The following BSN variants were observed in gnomAD, a reference collection of about 807,000 sequenced individuals.
The protein encoded by BSN is bassoon presynaptic cytomatrix protein.
A neutral mutation model predicts 264.8 loss-of-function variants in BSN; 57 were observed. That is an observed-to-expected ratio of 0.22 (90% CI 0.17 to 0.27). The LOEUF (loss-of-function observed/expected upper bound fraction) is 0.27, where lower values mean the gene tolerates loss of function less well. Ranked by LOEUF, BSN falls within the 10% of genes least tolerant of loss-of-function variation. The pLI, the probability that BSN is intolerant of heterozygous loss-of-function variation, is 1.00. For missense variants in BSN, 4,615 were observed against 5,232.5 expected, an observed-to-expected ratio of 0.88 and a Z score of 3.64; for synonymous variants, 2,059 against 2,137.3, an observed-to-expected ratio of 0.96 and a Z score of 1.01.
rs145236049 is a variant in BSN, at chr3:49,644,545, C to T, written c.1518+1393C>T. Among the ~76,000 whole-genome samples, 438 of 152,350 alleles carry T rather than the reference C, an allele frequency of 2.9e-3. 1 individual carries two copies. Among genetic ancestry groups the T allele is most frequent in the African/African-American group, 0.01 (416 of 41,578 alleles). ...TCTAGGCACCACGAAGCCAACTCTC[C>T]AAGCTCTAGATCTGGTGGCTCACTG... On this transcript the variant is annotated intron_variant, in intron 3 of 11. Coordinates refer to ENST00000296452, the MANE Select transcript of BSN (RefSeq NM_003458.4).
In BSN at chr3:49,651,080, G is replaced by T. The variant is rs1306888777; in HGVS notation, c.1986+1G>T. On this transcript the variant is annotated splice_donor_variant, in intron 4 of 11. Coordinates refer to ENST00000296452, the MANE Select transcript of BSN (RefSeq NM_003458.4). LOFTEE classifies it high-confidence loss of function. The surrounding 1 kb of genome is among the most constrained non-coding windows in gnomAD (Gnocchi z 5.4). ...AGCCCCCAAGGGTGGGGAGGCGGAG[G>T]TCAGTCCCATTCACTTCCCAGAGAC... The T allele has an allele frequency of 1.2e-6, 2 of 1,605,574 alleles. No individual in the cohort carries two copies. Among genetic ancestry groups the T allele is most frequent in the East Asian group, 4.5e-5 (2 of 44,854 alleles).
In BSN at chr3:49,661,541, A is replaced by G; in HGVS notation, c.9696A>G (p.Val3232=). The part of the protein sequence containing the change: ...SLEQNVPRNY[V]MIDDISELTK... ...AGCAGAACGTTCCTCGAAACTACGT[A>G]ATGATTGATGACATCAGTGAACTGA... The change falls in exon 6 of 12, where the codon GTA becomes GTG. Residue 3232 remains valine, a synonymous_variant. Coordinates refer to ENST00000296452, the MANE Select transcript of BSN (RefSeq NM_003458.4). 1.2e-6 allele frequency: 2 copies of G among 1,614,072 alleles called. No homozygotes were observed.
In BSN at chr3:49,585,726, A is replaced by G. The variant is rs1458858606; in HGVS notation, c.224+30900A>G. On this transcript the variant is annotated intron_variant, in intron 1 of 11. Transcript: ENST00000296452. The surrounding 1 kb of genome is among the most constrained non-coding windows in gnomAD (Gnocchi z 4.7). ...TAATTTACATTCCCACTAACAGTGTACAAGGGTTCCCTTTTCTCTACATCC... is the reference window on the plus strand; with the variant it reads ...TAATTTACATTCCCACTAACAGTGTGCAAGGGTTCCCTTTTCTCTACATCC... Among the ~76,000 whole-genome samples, 1 of 152,270 alleles carries G rather than the reference A, an allele frequency of 6.6e-6. No homozygotes were observed. The highest frequency in any genetic ancestry group is 1.5e-5 in the Non-Finnish European group (1 of 68,044).
rs1297491045 is a variant in BSN at position 49,663,399 on chromosome 3, G to A, written c.11241G>A (p.Leu3747=). The A allele has an allele frequency of 6.2e-7, 1 of 1,612,890 alleles. No individual in the cohort carries two copies. Among genetic ancestry groups the A allele is most frequent in the Admixed American group, 1.7e-5 (1 of 60,032 alleles). The change falls in exon 7 of 12, where the codon CTG becomes CTA. Residue 3747 remains leucine (L), a synonymous_variant. Coordinates refer to ENST00000296452, the MANE Select transcript of BSN (RefSeq NM_003458.4). ...SKAEPQAQPQ[L]QGRQAAPGPQ... is the part of the protein sequence containing the mutation. ...CAGAACCCCAGGCGCAGCCGCAGCTGCAAGGTCGGCAGGCAGCTCCAGGAC... is the reference window on the plus strand; with the variant it reads ...CAGAACCCCAGGCGCAGCCGCAGCTACAAGGTCGGCAGGCAGCTCCAGGAC...
chr3:49,567,413 C>T (rs2051760473), intron 1 of BSN, among the ~76,000 whole-genome samples: 1 of 152,224 alleles, frequency 6.6e-6, no homozygotes, highest in Non-Finnish European at 1.5e-5. Flanking sequence ...CTTCAAATAG[C>T]AATTTTTTAT....
chr3:49,615,748 G>C (rs2052255084), intron 1 of BSN, among the ~76,000 whole-genome samples: 1 of 152,218 alleles, frequency 6.6e-6, no homozygotes, highest in African/African-American at 2.4e-5. Flanking sequence ...CAATCAGGAA[G>C]CTGATGAGGC....
chr3:49,663,789 A>T lies in BSN; in HGVS notation c.11511A>T (p.Pro3837=). ...TAGCTATAGGTTCTGTGTTGCAGCCACGGGCAGAACAGACAAATGGCTCTA... is the reference window on the plus strand; with the variant it reads ...TAGCTATAGGTTCTGTGTTGCAGCCTCGGGCAGAACAGACAAATGGCTCTA... ...TATGPQPAGP[P]RAEQTNGSKG... Residue 3837 remains proline, a splice_region_variant and synonymous_variant, in exon 8 of 12, where the codon CCA becomes CCT. Transcript: ENST00000296452. The T allele has an allele frequency of 1.2e-6, 2 of 1,614,184 alleles. No individual in the cohort carries two copies. The highest frequency in any genetic ancestry group is 1.7e-6 in the Non-Finnish European group (2 of 1,180,028).
At chr3:49,629,039 G>A (rs1236229459) in intron 2 of BSN, among the ~76,000 whole-genome samples, 1 of 152,140 alleles carries the variant, frequency 6.6e-6, no homozygotes, top group East Asian at 1.9e-4. Flanking sequence ...CCACCCACAA[G>A]AGACCCTCCC....
At chr3:49,564,337 T>C (rs1473394121) in intron 1 of BSN, among the ~76,000 whole-genome samples, 1 of 152,142 alleles carries the variant, frequency 6.6e-6, no homozygotes, top group Non-Finnish European at 1.5e-5. Flanking sequence ...TCTGGGGCCT[T>C]CCATCCTGGA....
chr3:49,653,759 C>G lies in BSN; in HGVS notation c.4203C>G (p.Ala1401=). 6.2e-7 allele frequency: 1 copy of G among 1,614,108 alleles called. No homozygotes were observed. Among genetic ancestry groups the G allele is most frequent in the Non-Finnish European group, 8.5e-7 (1 of 1,180,012 alleles). ...TGCCACGAGGATATATGACTCCAGC[C>G]TCCCCAGCAGGCTCCGAGCGTAGTC... ...AGLPRGYMTP[A]SPAGSERSPS... The change falls in exon 5 of 12, where the codon GCC becomes GCG. Residue 1401 remains alanine (A), a synonymous_variant. Transcript: ENST00000296452. The surrounding 1 kb of genome is among the most constrained non-coding windows in gnomAD (Gnocchi z 6.3).
chr3:49,658,131 A>G lies in BSN; in HGVS notation c.8575A>G (p.Thr2859Ala), dbSNP rs528527160. ...SLSDPKPLSPTAEESAKERFS... is the reference protein window; with the variant it reads ...SLSDPKPLSPAAEESAKERFS... ...GTCTGACCCTAAGCCCCTCAGCCCCACCGCCGAAGAGTCTGCCAAAGAGAG... is the reference window on the plus strand; with the variant it reads ...GTCTGACCCTAAGCCCCTCAGCCCCGCCGCCGAAGAGTCTGCCAAAGAGAG... Residue 2859 changes from threonine (T) to alanine (A), a missense_variant, in exon 5 of 12, where the codon ACC becomes GCC. Physicochemically the swap from Thr to Ala is moderately conservative, Grantham distance 58 (BLOSUM62 0). Around this residue, in one of 3 missense-constraint regions of BSN, gnomAD observed 3,415 missense variants for 3,866.4 expected, o/e 0.88. Transcript: ENST00000296452. The G allele has an allele frequency of 6.2e-7, 1 of 1,608,046 alleles. No individual in the cohort carries two copies. The highest frequency in any genetic ancestry group is 8.5e-7 in the Non-Finnish European group (1 of 1,176,736).
chr3:49,621,316 A>C (rs2052303893), intron 1 of BSN, among the ~76,000 whole-genome samples: 1 of 152,170 alleles, frequency 6.6e-6, no homozygotes, highest in Non-Finnish European at 1.5e-5. Context: ...CTTGAGACTT[A>C]GGGATTGTGA....
intron 2 of BSN, chr3:49,640,813 T>A (rs2052457616): frequency 6.6e-6 from 1 of 152,274 alleles, no homozygotes; most frequent in South Asian, 2.1e-4. Flanking sequence ...GGAGAGCATT[T>A]TAGATTGTGT....
chr3:49,625,149 C>A lies in BSN; in HGVS notation c.399C>A (p.Ser133Arg). ...DGPRRTLQVD[S>R]RTQRSGRSPS... Reference sequence around the variant, plus strand: ...CCCGCAGGACGCTGCAGGTAGACAGCAGGACACAGAGATCAGGGCGGTCCC... The same window carrying A: ...CCCGCAGGACGCTGCAGGTAGACAGAAGGACACAGAGATCAGGGCGGTCCC... The change falls in exon 2 of 12, where the codon AGC becomes AGA. Residue 133 changes from serine to arginine, a missense_variant. Ser to Arg is a moderately radical substitution (Grantham distance 110, BLOSUM62 -1). Around this residue, in one of 3 missense-constraint regions of BSN, gnomAD observed 1,197 missense variants for 1,348.0 expected, o/e 0.89. Coordinates refer to ENST00000296452, the MANE Select transcript of BSN (RefSeq NM_003458.4). This position sits in a 1 kb window ranked among gnomAD's most constrained non-coding sequence, Gnocchi z 4.4. The A allele has an allele frequency of 6.3e-7, 1 of 1,585,214 alleles. No homozygotes were observed. The highest frequency in any genetic ancestry group is 8.6e-7 in the Non-Finnish European group (1 of 1,164,654).
Position 49,625,439 on chromosome 3 carries a change from C to G in BSN, c.633+56C>G. The stretch of plus-strand genomic sequence containing the variant: ...CCTGCTACCTCATTACCATACCTCC[C>G]CTGGTTCCCTTCCCCTCTTTCACCA... On this transcript the variant is annotated intron_variant, in intron 2 of 11. Transcript: ENST00000296452. This position sits in a 1 kb window ranked among gnomAD's most constrained non-coding sequence, Gnocchi z 4.4. 3 of 1,391,458 alleles carry G rather than the reference C, an allele frequency of 2.2e-6. No homozygotes were observed. In the African/African-American group the frequency reaches 4.4e-5, roughly 21 times the overall value. 86.2% of individuals were successfully genotyped at this position (1,391,458 alleles called of 1,614,324 possible).
intron 1 of BSN, among the ~76,000 whole-genome samples, chr3:49,614,082 C>T (rs1414908407): frequency 1.8e-5 from 2 of 111,626 alleles, no homozygotes; most frequent in African/African-American, 3.5e-5. Context: ...TTTTGTGAGA[C>T]GGAGTCTCGC....
chr3:49,673,087 C>CTTTTTTTTTTTTTTTTTTTT (rs71080543), downstream of BSN, among the ~76,000 whole-genome samples: 94 of 43,210 alleles, frequency 2.2e-3, 17 homozygotes, highest in African/African-American at 2.7e-3. Flanking sequence ...CCGGCCGGGA[C>CTTTTTTTTTTTTTTTTTTTT]TTTTTTTTTT....
intron 1 of BSN, among the ~76,000 whole-genome samples, chr3:49,575,174 C>T (rs368315864): frequency 2.0e-4 from 31 of 151,794 alleles, no homozygotes; most frequent in African/African-American, 6.0e-4. Flanking sequence ...GGCAAAATGG[C>T]AAAATCCCAT....
chr3:49,648,061 G>A (rs902129305), intron 3 of BSN, among the ~76,000 whole-genome samples: 1 of 152,256 alleles, frequency 6.6e-6, no homozygotes, highest in African/African-American at 2.4e-5. Context: ...AAGGAGCAAA[G>A]CACCAGGGAG....
Sources: gnomAD v4.1 joint callset for allele counts (sites outside exome capture counted in the v4.1 genomes callset) on GRCh38, gnomAD v4.1.1 for gene constraint, gnomAD v4.1.1 regional missense constraint, Gnocchi (gnomAD v3.1) non-coding constraint, MANE v1.5 for transcripts, NCBI Gene and HGNC (gene_info 2026-07-23, HGNC 2026-07-21) for gene names.